The following SLC44A5 variants were observed in gnomAD, a reference collection of about 807,000 sequenced individuals.
SLC44A5 encodes choline transporter-like protein 5.
Under a neutral mutation model 101.8 loss-of-function variants are expected in SLC44A5, and 57 were observed. The observed-to-expected ratio is 0.56, with a 90% CI of 0.45 to 0.70. SLC44A5 has a LOEUF of 0.70. Among genes scored for constraint, SLC44A5 ranks in the 30% least tolerant of loss-of-function variants. The pLI is 0.00. For missense variants in SLC44A5, 737 were observed against 853.1 expected (o/e 0.86, Z 1.70); for synonymous variants, 281 against 290.9 (o/e 0.97, Z 0.35).
At chr1:75,269,779 G>GATATGAT (rs1651311365) in intron 6 of SLC44A5, among the ~76,000 whole-genome samples, 1 of 152,012 alleles carries the variant, frequency 6.6e-6, no homozygotes, top group Non-Finnish European at 1.5e-5. Flanking sequence ...TTACTATCAT[G>GATATGAT]ATATATTTAC....
chr1:75,216,767 C>G (rs1464803099), intron 18 of SLC44A5, among the ~76,000 whole-genome samples: 2 of 151,938 alleles, frequency 1.3e-5, no homozygotes, highest in East Asian at 3.9e-4. Context: ...GGAGAAATAT[C>G]TATTCAAGTT....
At chr1:75,661,279 T>G in the SLC44A5 span, among the ~76,000 whole-genome samples, 3 of 149,920 alleles carry the variant, frequency 2.0e-5, no homozygotes, top group East Asian at 5.9e-4. Flanking sequence ...AAATTGGATA[T>G]CCATATGTAG....
chr1:75,311,688 C>A, intron 4 of SLC44A5: 1 of 320,876 alleles, frequency 3.1e-6, no homozygotes, highest in Non-Finnish European at 4.5e-6. Flanking sequence ...CTTTCTCTCA[C>A]GGAGTTCCCA....
In SLC44A5 at chr1:75,251,292, T is replaced by C. The variant is rs764905208; in HGVS notation, c.263A>G (p.Asn88Ser). 1.2e-6 allele frequency: 2 copies of C among 1,610,860 alleles called. No individual in the cohort carries two copies. The highest frequency in any genetic ancestry group is 1.3e-5 in the African/African-American group (1 of 74,878). The change falls in exon 7 of 24, where the codon AAC becomes AGC. Residue 88 changes from asparagine to serine, a missense_variant and splice_region_variant. By Grantham distance (46) the Asn-to-Ser change is conservative (BLOSUM62 1). Transcript: ENST00000370859. The stretch of plus-strand genomic sequence containing the variant: ...GTTAAAGTAAAACAAAATGGTCTTG[T>C]TCCTGTTAAGAAAGAAAACATAATC... ...FCGQKGTPNE[N>S]KTILFYFNLL... is the part of the protein sequence containing the mutation.
At chr1:75,705,155 AT>A in the SLC44A5 span, among the ~76,000 whole-genome samples, 1 of 152,196 alleles carries the variant, frequency 6.6e-6, no homozygotes, top group Non-Finnish European at 1.5e-5. Context: ...ATGTTGGATC[AT>A]TTTTGCACTA....
At chr1:75,616,177 G>C in the SLC44A5 span, among the ~76,000 whole-genome samples, 1 of 151,758 alleles carries the variant, frequency 6.6e-6, no homozygotes, top group Non-Finnish European at 1.5e-5. Context: ...GCTGCTGGAG[G>C]GGGCAGCGCT....
chr1:75,238,498 T>C lies in SLC44A5; in HGVS notation c.656+15A>G, dbSNP rs771788938. 5 of 1,564,038 alleles carry C rather than the reference T, an allele frequency of 3.2e-6. No homozygotes were observed. Among genetic ancestry groups the C allele is most frequent in the Non-Finnish European group, 4.3e-6 (5 of 1,158,958 alleles). On this transcript the variant is annotated intron_variant, in intron 10 of 23. Coordinates refer to ENST00000370859, the MANE Select transcript of SLC44A5 (RefSeq NM_001130058.2). ...AAATGCATCAAACTGAAAATTAGAA[T>C]GTAAACACACATACTTTGCAGCAAT...
the SLC44A5 span, among the ~76,000 whole-genome samples, chr1:75,698,863 C>A: frequency 6.6e-6 from 1 of 152,104 alleles, no homozygotes; most frequent in Non-Finnish European, 1.5e-5. Context: ...AATGCAGAAG[C>A]CTCAGGAGCC....
chr1:75,413,706 A>G lies in SLC44A5; in HGVS notation c.14-17085T>C, dbSNP rs146369339. Among the ~76,000 whole-genome samples, 260 of 152,308 alleles carry G rather than the reference A, an allele frequency of 1.7e-3. 1 individual carries two copies. Among genetic ancestry groups the G allele is most frequent in the African/African-American group, 5.8e-3 (240 of 41,568 alleles). On this transcript the variant is annotated intron_variant, in intron 2 of 23. Coordinates refer to ENST00000370859, the MANE Select transcript of SLC44A5 (RefSeq NM_001130058.2). ...CCTGAACTCCACAGAATAGCCCACAATAGATCTGTTATCCACAAATTTCAC... is the reference window on the plus strand; with the variant it reads ...CCTGAACTCCACAGAATAGCCCACAGTAGATCTGTTATCCACAAATTTCAC...
chr1:75,404,665 C>T (rs1169075119), intron 2 of SLC44A5, among the ~76,000 whole-genome samples: 2 of 152,140 alleles, frequency 1.3e-5, no homozygotes, highest in African/African-American at 4.8e-5. Context: ...TTTGTCACCA[C>T]CAGGACTGCC....
At chr1:75,402,359 G>A (rs1214915265) in intron 2 of SLC44A5, 1 of 288,212 alleles carries the variant, frequency 3.5e-6, no homozygotes, top group East Asian at 1.0e-4. Context: ...TTAAGAAACA[G>A]ATGACATTTG....
intron 2 of SLC44A5, among the ~76,000 whole-genome samples, chr1:75,509,872 T>C (rs1014459465): frequency 6.6e-6 from 1 of 152,150 alleles, no homozygotes; most frequent in African/African-American, 2.4e-5. Flanking sequence ...TCTGTTCTCA[T>C]GATGCTAATA....
chr1:75,622,338 A>G, the SLC44A5 span, among the ~76,000 whole-genome samples: 1 of 152,068 alleles, frequency 6.6e-6, no homozygotes, highest in Admixed American at 6.6e-5. Flanking sequence ...ATTGTGCTCA[A>G]TCTGTGCAGA....
the SLC44A5 span, among the ~76,000 whole-genome samples, chr1:75,634,462 G>A: frequency 2.0e-5 from 3 of 150,120 alleles, no homozygotes; most frequent in South Asian, 4.2e-4. Flanking sequence ...TACCAAAACA[G>A]AGATATAGAT....
At chr1:75,365,505 A>T (rs1659792954) in intron 3 of SLC44A5, among the ~76,000 whole-genome samples, 2 of 152,188 alleles carry the variant, frequency 1.3e-5, no homozygotes, top group Admixed American at 1.3e-4. Flanking sequence ...TAGAGACAGA[A>T]ATGCCACTCA....
At chr1:75,665,669 A>G in the SLC44A5 span, among the ~76,000 whole-genome samples, 1 of 152,196 alleles carries the variant, frequency 6.6e-6, no homozygotes, top group East Asian at 1.9e-4. Context: ...AAACCTATAG[A>G]ATGGGATAAA....
chr1:75,702,940 C>A, the SLC44A5 span, among the ~76,000 whole-genome samples: 1 of 151,924 alleles, frequency 6.6e-6, no homozygotes, highest in African/African-American at 2.4e-5. Context: ...CAGAGAAATA[C>A]AAATCAAAAC....
intron 4 of SLC44A5, among the ~76,000 whole-genome samples, chr1:75,307,692 T>C (rs985309084): frequency 2.6e-5 from 4 of 152,232 alleles, no homozygotes; most frequent in Admixed American, 1.3e-4. Context: ...ATTAATTGTA[T>C]CCACCCCCTT....
chr1:75,530,347 G>A lies in SLC44A5; in HGVS notation c.13+11088C>T, dbSNP rs140735613. On this transcript the variant is annotated intron_variant, in intron 2 of 23. Coordinates refer to ENST00000370859, the MANE Select transcript of SLC44A5 (RefSeq NM_001130058.2). Reference sequence around the variant, plus strand: ...AAGCTTCATGTCCAGGAGAGTGGAGGTACAGCAAAATGCTACCCAAACTAT... The same window carrying A: ...AAGCTTCATGTCCAGGAGAGTGGAGATACAGCAAAATGCTACCCAAACTAT... Among the ~76,000 whole-genome samples, 30 of 152,136 alleles carry A rather than the reference G, an allele frequency of 2.0e-4. No individual in the cohort carries two copies. The East Asian group carries it at 4.8e-3, about 24-fold the overall frequency.
Sources: allele counts gnomAD v4.1 joint callset (sites outside exome capture counted in the v4.1 genomes callset), GRCh38; gene constraint gnomAD v4.1.1; transcripts MANE v1.5; gene names NCBI Gene and HGNC (gene_info 2026-07-23, HGNC 2026-07-21).